The following MEGF11 variants were observed in gnomAD, a reference collection of about 807,000 sequenced individuals.
MEGF11 encodes the protein multiple epidermal growth factor-like domains protein 11.
A neutral mutation model predicts 146.6 loss-of-function variants in MEGF11; 126 were observed. That is an observed-to-expected ratio of 0.86 (90% CI 0.74 to 1.00). The LOEUF is 1.00. MEGF11 is among the 50% of genes least tolerant of loss of function. MEGF11 has a pLI of 0.00. For missense variants in MEGF11, 1,509 were observed against 1,521.2 expected (o/e 0.99, Z 0.13); for synonymous variants, 532 against 583.4 (o/e 0.91, Z 1.27).
At chr15:66,213,328 T>C (rs2091509038) in intron 1 of MEGF11, among the ~76,000 whole-genome samples, 1 of 152,072 alleles carries the variant, frequency 6.6e-6, no homozygotes, top group Non-Finnish European at 1.5e-5. Context: ...GTGTCCCCGT[T>C]CACACAGAAA....
chr15:66,141,285 T>TGAGA (rs1194937112), intron 1 of MEGF11, among the ~76,000 whole-genome samples: 6,735 of 85,704 alleles, frequency 0.079, 280 homozygotes, highest in Non-Finnish European at 0.12. Flanking sequence ...TGTGTGTGTG[T>TGAGA]GTGTGAGAGA....
intron 5 of MEGF11, among the ~76,000 whole-genome samples, chr15:66,076,255 T>C (rs1446612438): frequency 6.6e-6 from 1 of 150,686 alleles, no homozygotes; most frequent in Non-Finnish European, 1.5e-5. Flanking sequence ...GATGGATGCA[T>C]GTTCCTCATC....
chr15:66,145,299 C>T (rs1225166030), intron 1 of MEGF11, among the ~76,000 whole-genome samples: 11 of 151,852 alleles, frequency 7.2e-5, no homozygotes. Context: ...GGGGAGGAAG[C>T]TGATATCATA....
At chr15:66,235,387 G>C (rs56857762) in intron 1 of MEGF11, among the ~76,000 whole-genome samples, 1 of 151,648 alleles carries the variant, frequency 6.6e-6, no homozygotes, top group Non-Finnish European at 1.5e-5. Flanking sequence ...CTTTATTCCC[G>C]GCTACTTGGG....
At chr15:66,004,841 C>T (rs1029702978) in intron 5 of MEGF11, among the ~76,000 whole-genome samples, 3 of 152,164 alleles carry the variant, frequency 2.0e-5, no homozygotes, top group Admixed American at 6.5e-5. Context: ...CAATGGGACC[C>T]GGTGTGCTGT....
At chr15:66,183,726 G>A (rs2090618062) in intron 1 of MEGF11, among the ~76,000 whole-genome samples, 1 of 152,064 alleles carries the variant, frequency 6.6e-6, no homozygotes, top group African/African-American at 2.4e-5. Context: ...TGGGGATCGG[G>A]GATCCTGTGA....
At chr15:65,927,506 C>T (rs572446813) in intron 13 of MEGF11, among the ~76,000 whole-genome samples, 7 of 152,284 alleles carry the variant, frequency 4.6e-5, no homozygotes, top group African/African-American at 1.7e-4. Context: ...GATTTAAGTA[C>T]CACAATAGGA....
intron 5 of MEGF11, among the ~76,000 whole-genome samples, chr15:66,076,004 GCA>G (rs1350657560): frequency 1.3e-5 from 2 of 151,724 alleles, no homozygotes; most frequent in Admixed American, 1.3e-4. Context: ...CCGGAACCTA[GCA>G]CAGTGTCTGG....
chr15:66,077,677 G>A lies in MEGF11; in HGVS notation c.394+16725C>T, dbSNP rs560850299. 4.6e-5 allele frequency among the ~76,000 whole-genome samples: 7 copies of A among 152,312 alleles called. No individual in the cohort carries two copies. In the East Asian group the frequency reaches 1.3e-3, roughly 29 times the overall value. The stretch of plus-strand genomic sequence containing the variant: ...AAGAAAGACGTGGGTCCTGCATGAA[G>A]AGGCCTCAGGGGATACGGGTGAGAG... On this transcript the variant is annotated intron_variant, in intron 5 of 25. Coordinates refer to ENST00000395614, the MANE Select transcript of MEGF11 (RefSeq NM_001385028.1).
intron 1 of MEGF11, among the ~76,000 whole-genome samples, chr15:66,232,520 C>T (rs1053640170): frequency 7.9e-5 from 12 of 152,116 alleles, no homozygotes; most frequent in African/African-American, 2.9e-4. Flanking sequence ...ATCCTAGCTC[C>T]CTTAAATCCT....
At chr15:66,231,605 C>A (rs1025919022) in intron 1 of MEGF11, among the ~76,000 whole-genome samples, 1 of 152,166 alleles carries the variant, frequency 6.6e-6, no homozygotes, top group Non-Finnish European at 1.5e-5. Context: ...ATGAACTGAG[C>A]TGCTGATTCA....
chr15:66,123,808 T>G (rs1567252998), intron 3 of MEGF11, 91 bp downstream of exon 3: 11 of 999,398 alleles, frequency 1.1e-5, no homozygotes, highest in Non-Finnish European at 1.6e-6. Context: ...TGACAACATC[T>G]GCTCCAGCGG....
rs527490256 is a variant in MEGF11 at position 66,080,985 on chromosome 15, C to T, written c.394+13417G>A. Among the ~76,000 whole-genome samples the T allele has an allele frequency of 3.9e-5, 6 of 152,336 alleles. No individual in the cohort carries two copies. In the South Asian group the frequency reaches 8.3e-4, roughly 21 times the overall value. On this transcript the variant is annotated intron_variant, in intron 5 of 25. Transcript: ENST00000395614. Reference sequence around the variant, plus strand: ...CTGAAGTTGCTTTAACCTTGACAGCCGGCTCGATGCAGTGAAAAAACAACT... The same window carrying T: ...CTGAAGTTGCTTTAACCTTGACAGCTGGCTCGATGCAGTGAAAAAACAACT...
In MEGF11 at chr15:66,076,889, C is replaced by T. The variant is rs552064667; in HGVS notation, c.394+17513G>A. Among the ~76,000 whole-genome samples the T allele has an allele frequency of 8.5e-5, 13 of 152,328 alleles. No homozygotes were observed. In the South Asian group the frequency reaches 2.7e-3, roughly 32 times the overall value. On this transcript the variant is annotated intron_variant, in intron 5 of 25. Transcript: ENST00000395614. The stretch of plus-strand genomic sequence containing the variant: ...CCAGTCAGGGATGGAGGAAGTAGAG[C>T]ATTGCCCAGCTACCCAGAGGGACTG...
chr15:66,107,558 C>A (rs2087153798), intron 4 of MEGF11, among the ~76,000 whole-genome samples: 1 of 152,198 alleles, frequency 6.6e-6, no homozygotes, highest in Non-Finnish European at 1.5e-5. Context: ...TCAGTCCCCA[C>A]AGAGCCCCAG....
At chr15:65,947,079 C>A (rs2080221757) in intron 10 of MEGF11, among the ~76,000 whole-genome samples, 2 of 152,064 alleles carry the variant, frequency 1.3e-5, no homozygotes, top group South Asian at 4.1e-4. Flanking sequence ...GCATTTACCC[C>A]CATTGTTAGT....
chr15:65,991,115 C>T (rs778655186), intron 5 of MEGF11, among the ~76,000 whole-genome samples: 13 of 152,182 alleles, frequency 8.5e-5, no homozygotes, highest in Non-Finnish European at 1.3e-4. Flanking sequence ...TGTTACTTAA[C>T]CACACCGTCT....
chr15:66,093,857 C>A (rs1009007969), intron 5 of MEGF11, among the ~76,000 whole-genome samples: 1 of 152,092 alleles, frequency 6.6e-6, no homozygotes, highest in African/African-American at 2.4e-5. Flanking sequence ...GGAAGGCTTC[C>A]CTGGAGAAGG....
At chr15:66,065,734 G>T (rs1042422812) in intron 5 of MEGF11, among the ~76,000 whole-genome samples, 1 of 152,194 alleles carries the variant, frequency 6.6e-6, no homozygotes, top group Non-Finnish European at 1.5e-5. Flanking sequence ...TTGAAAATGA[G>T]ATTTTTTCCC....
Sources: allele counts gnomAD v4.1 joint callset (sites outside exome capture counted in the v4.1 genomes callset), GRCh38; gene constraint gnomAD v4.1.1; transcripts MANE v1.5; gene names NCBI Gene and HGNC (gene_info 2026-07-23, HGNC 2026-07-21).